The following NRG1 variants were observed in gnomAD, a reference collection of about 807,000 sequenced individuals.
NRG1 encodes neuregulin 1, also known as pro-neuregulin-1, membrane-bound isoform.
In NRG1, 18 loss-of-function variants were observed where a neutral mutation model predicts 63.8. The observed-to-expected ratio is 0.28, with a 90% CI of 0.19 to 0.42. NRG1 has a LOEUF of 0.42. Among genes scored for constraint, NRG1 ranks in the 10% least tolerant of loss-of-function variants. The pLI is 1.00. For missense variants in NRG1, 762 were observed against 814.7 expected (o/e 0.94, Z 0.79); for synonymous variants, 302 against 301.3 (o/e 1.00, Z -0.02).
chr8:32,763,725 C>T, intron 11 of NRG1, 23 bp from the exon 12 acceptor site: 6 of 1,522,240 alleles, frequency 3.9e-6, no homozygotes, highest in Non-Finnish European at 5.3e-6. Flanking sequence ...CACACTTATG[C>T]AGGGTATTCT....
chr8:31,978,465 C>A (rs179129), intron 1 of NRG1, among the ~76,000 whole-genome samples: 3,454 of 152,128 alleles, frequency 0.023, 126 homozygotes, highest in African/African-American at 0.079. Flanking sequence ...TTCTTTGGAA[C>A]CTTTATGCCA....
At chr8:32,673,160 C>A (rs1227421000) in intron 5 of NRG1, among the ~76,000 whole-genome samples, 3 of 152,154 alleles carry the variant, frequency 2.0e-5, no homozygotes, top group African/African-American at 7.2e-5. Context: ...AGGATTCTAG[C>A]AACTGAGCAA....
chr8:32,597,558 T>C (rs1843579093), intron 2 of NRG1, among the ~76,000 whole-genome samples: 1 of 152,092 alleles, frequency 6.6e-6, no homozygotes, highest in Admixed American at 6.6e-5. Context: ...ATACCTAATA[T>C]TACTAATTTT....
chr8:32,226,760 T>C (rs1846369959), intron 1 of NRG1, among the ~76,000 whole-genome samples: 1 of 152,160 alleles, frequency 6.6e-6, no homozygotes, highest in African/African-American at 2.4e-5. Context: ...TAATTTTGCA[T>C]GCAATTTTTT....
intron 1 of NRG1, among the ~76,000 whole-genome samples, chr8:31,698,541 C>G (rs571973398): frequency 6.6e-6 from 1 of 152,186 alleles, no homozygotes; most frequent in Non-Finnish European, 1.5e-5. Context: ...TTCAAATCAT[C>G]TTAACAAATA....
intron 1 of NRG1, among the ~76,000 whole-genome samples, chr8:31,907,884 A>G (rs574776602): frequency 3.9e-5 from 6 of 152,322 alleles, no homozygotes; most frequent in Admixed American, 1.3e-4. Flanking sequence ...AATGTCTACT[A>G]TTCATCACTG....
At chr8:32,189,600 A>G (rs1229676505) in intron 1 of NRG1, among the ~76,000 whole-genome samples, 1 of 152,196 alleles carries the variant, frequency 6.6e-6, no homozygotes, top group Non-Finnish European at 1.5e-5. Context: ...ATAAGAAAGC[A>G]ACTATAAAAT....
chr8:32,105,698 T>C (rs2131396544), intron 1 of NRG1, among the ~76,000 whole-genome samples: 1 of 152,306 alleles, frequency 6.6e-6, no homozygotes, highest in East Asian at 1.9e-4. Flanking sequence ...CTGTGGATAT[T>C]TGCAAGGCTT....
chr8:32,574,982 C>T (rs1023837904), intron 1 of NRG1, among the ~76,000 whole-genome samples: 1 of 152,210 alleles, frequency 6.6e-6, no homozygotes, highest in African/African-American at 2.4e-5. Flanking sequence ...ATGGAGTTCT[C>T]TGCTTTCAGG....
intron 5 of NRG1, among the ~76,000 whole-genome samples, chr8:32,686,844 G>A (rs1243176907): frequency 6.6e-6 from 1 of 152,186 alleles, no homozygotes; most frequent in Non-Finnish European, 1.5e-5. Flanking sequence ...GCCAGGCTCA[G>A]GGAGCTCCTT....
intron 5 of NRG1, chr8:32,721,904 A>C: frequency 6.9e-7 from 1 of 1,459,442 alleles, no homozygotes; most frequent in African/African-American, 1.5e-5. Flanking sequence ...CCCCAGTAGG[A>C]GTTCAGTCTG....
intron 1 of NRG1, among the ~76,000 whole-genome samples, chr8:31,756,354 A>G (rs545638356): frequency 2.0e-5 from 3 of 152,108 alleles, no homozygotes; most frequent in Admixed American, 6.6e-5. Flanking sequence ...CAGGTCTGTT[A>G]AGGGCAAAGG....
At chr8:32,222,813 T>C (rs761112147) in intron 1 of NRG1, among the ~76,000 whole-genome samples, 2 of 152,206 alleles carry the variant, frequency 1.3e-5, no homozygotes, top group Non-Finnish European at 2.9e-5. Flanking sequence ...AGGAAATATA[T>C]TGATCAAAAT....
chr8:32,463,874 C>CTTTTT lies in NRG1; in HGVS notation c.38-131919_38-131915dup, dbSNP rs756489856. The stretch of plus-strand genomic sequence containing the variant: ...ACACACACGAAAAAAACTTAGAATT[C>CTTTTT]TTTTTTTTTTTTTTTTTTTTTTTTT... On this transcript the variant is annotated intron_variant, in intron 1 of 10. Coordinates refer to the NRG1 transcript ENST00000519301. 8.5e-3 allele frequency among the ~76,000 whole-genome samples: 360 copies of CTTTTT among 42,326 alleles called. 87 individuals are homozygous for CTTTTT. The highest frequency in any genetic ancestry group is 0.011 in the Non-Finnish European group (272 of 23,788). 27.8% of individuals were successfully genotyped at this position (42,326 alleles called of 152,430 possible).
intron 1 of NRG1, among the ~76,000 whole-genome samples, chr8:31,999,518 A>T (rs547859566): frequency 1.3e-5 from 2 of 152,068 alleles, no homozygotes; most frequent in South Asian, 4.2e-4. Context: ...CCCGGCATTC[A>T]CCCTCGCGGA....
At chr8:31,919,691 T>G (rs1343971638) in intron 1 of NRG1, among the ~76,000 whole-genome samples, 1 of 152,062 alleles carries the variant, frequency 6.6e-6, no homozygotes. Context: ...ACATTGAACA[T>G]TTTCATGGAA....
intron 1 of NRG1, among the ~76,000 whole-genome samples, chr8:32,005,110 G>A (rs1813551271): frequency 6.6e-6 from 1 of 151,376 alleles, no homozygotes; most frequent in Non-Finnish European, 1.5e-5. Flanking sequence ...AGGGAAGGGA[G>A]GAAGAAAGAA....
At chr8:32,685,424 G>A (rs78711297) in intron 5 of NRG1, among the ~76,000 whole-genome samples, 3,598 of 152,168 alleles carry the variant, frequency 0.024, 138 homozygotes, top group African/African-American at 0.081. Flanking sequence ...TGGAGGAGAC[G>A]TTTTGCAGAC....
Position 32,011,650 on chromosome 8 carries a change from A to G in NRG1, c.37+372219A>G, listed in dbSNP as rs546272947. Among the ~76,000 whole-genome samples, 10 of 152,206 alleles carry G rather than the reference A, an allele frequency of 6.6e-5. No homozygotes were observed. The South Asian group carries it at 2.1e-3, about 32-fold the overall frequency. On this transcript the variant is annotated intron_variant, in intron 1 of 10. Transcript: ENST00000519301. ...ATGCTACAAAATGTTGTTTGTGGAC[A>G]ATTCTCCTGAGCACCACTCTCCCTC...
Sources: allele counts gnomAD v4.1 joint callset (sites outside exome capture counted in the v4.1 genomes callset), GRCh38; gene constraint gnomAD v4.1.1; transcripts MANE v1.5; gene names NCBI Gene and HGNC (gene_info 2026-07-23, HGNC 2026-07-21).